Variants in SGCZ observed in about 807,000 individuals in gnomAD.
SGCZ encodes the protein zeta-sarcoglycan.
Under a neutral mutation model 41.3 loss-of-function variants are expected in SGCZ, and 40 were observed. That is an observed-to-expected ratio of 0.97 (90% CI 0.75 to 1.26). The LOEUF is 1.26. Among genes scored for constraint, SGCZ ranks in the 50% most tolerant of loss-of-function variants. The pLI is 0.00. For synonymous variants in SGCZ, 206 were observed against 137.5 expected (o/e 1.50, Z -3.49); for missense variants, 552 against 369.8 (o/e 1.49, Z -4.04).
chr8:14,292,983 T>G (rs1404988341), intron 3 of SGCZ, among the ~76,000 whole-genome samples: 1 of 152,076 alleles, frequency 6.6e-6, no homozygotes, highest in Non-Finnish European at 1.5e-5. Flanking sequence ...TCATTCTTAT[T>G]TAGGTTTCAG....
At chr8:14,850,811 A>G (rs1346672080) in intron 1 of SGCZ, among the ~76,000 whole-genome samples, 1 of 152,054 alleles carries the variant, frequency 6.6e-6, no homozygotes, top group African/African-American at 2.4e-5. Context: ...TGACAGTTTT[A>G]AAAGAGGATC....
rs7830184 is a variant in SGCZ, at chr8:14,927,653, T to C, written c.39+309932A>G. On this transcript the variant is annotated intron_variant, in intron 1 of 7. Transcript: ENST00000382080. ...AGAAAAAGATCCAGAAATATATTTA[T>C]TTGATGAGGTTGTTGAAATAACTTT... 2.3e-3 allele frequency among the ~76,000 whole-genome samples: 354 copies of C among 152,184 alleles called. 2 individuals carry two copies. The highest frequency in any genetic ancestry group is 8.1e-3 in the African/African-American group (338 of 41,528).
intron 1 of SGCZ, among the ~76,000 whole-genome samples, chr8:15,057,858 G>C (rs1804771375): frequency 6.6e-6 from 1 of 152,038 alleles, no homozygotes. Flanking sequence ...TTATCATGTA[G>C]TCAATGTATT....
chr8:14,817,198 G>A (rs1432811002), intron 1 of SGCZ, among the ~76,000 whole-genome samples: 2 of 152,094 alleles, frequency 1.3e-5, no homozygotes, highest in African/African-American at 4.8e-5. Flanking sequence ...CAGAAGCCCA[G>A]GATAACGCCA....
intron 1 of SGCZ, among the ~76,000 whole-genome samples, chr8:14,767,009 A>C (rs1041646300): frequency 2.0e-5 from 3 of 152,188 alleles, no homozygotes; most frequent in African/African-American, 7.2e-5. Context: ...ATTTGCAAAC[A>C]TCCCATGCTT....
At chr8:15,159,924 T>G (rs1336395832) in intron 1 of SGCZ, among the ~76,000 whole-genome samples, 1 of 151,720 alleles carries the variant, frequency 6.6e-6, no homozygotes, top group African/African-American at 2.4e-5. Flanking sequence ...AATAGGCACT[T>G]AGGGGGAAAA....
At chr8:14,283,566 G>A (rs13276161) in intron 3 of SGCZ, among the ~76,000 whole-genome samples, 105,191 of 152,080 alleles carry the variant, frequency 0.69, 36,606 homozygotes, top group Admixed American at 0.72. Context: ...GGGGTGTACA[G>A]TGTTCCTTCA....
At chr8:14,524,519 A>C (rs946868580) in intron 2 of SGCZ, among the ~76,000 whole-genome samples, 2 of 152,150 alleles carry the variant, frequency 1.3e-5, no homozygotes, top group Non-Finnish European at 2.9e-5. Flanking sequence ...CCTCCTACTC[A>C]GTCCTCTACA....
intron 1 of SGCZ, among the ~76,000 whole-genome samples, chr8:14,617,858 G>A (rs201880913): frequency 2.6e-5 from 4 of 151,114 alleles, no homozygotes; most frequent in Non-Finnish European, 5.9e-5. Flanking sequence ...TTATGTGTGT[G>A]TGTGTGTGTG....
Position 15,154,143 on chromosome 8 carries a change from G to A in SGCZ, c.39+83442C>T, listed in dbSNP as rs75124362. On this transcript the variant is annotated intron_variant, in intron 1 of 7. Transcript: ENST00000382080. ...GTTCCTAACAGGCCATGAACTGGGG[G>A]TTGGGGACTCCTGTTATAAATTATC... is the stretch of plus-strand genomic sequence containing the variant. Among the ~76,000 whole-genome samples, 1,129 of 152,316 alleles carry A rather than the reference G, an allele frequency of 7.4e-3. 28 individuals carry two copies. The South Asian group carries it at 0.098, about 13-fold the overall frequency.
intron 1 of SGCZ, among the ~76,000 whole-genome samples, chr8:14,764,214 T>C (rs1212676457): frequency 1.3e-5 from 2 of 152,204 alleles, no homozygotes; most frequent in African/African-American, 2.4e-5. Flanking sequence ...ATATGTCAGA[T>C]AATGAATGTA....
chr8:14,890,519 C>T (rs938377444), intron 1 of SGCZ, among the ~76,000 whole-genome samples: 5 of 152,116 alleles, frequency 3.3e-5, no homozygotes, highest in African/African-American at 9.7e-5. Flanking sequence ...GGAAGCTCAA[C>T]AAGAAAAGTT....
chr8:15,014,863 T>G (rs974509596), intron 1 of SGCZ, among the ~76,000 whole-genome samples: 7 of 152,214 alleles, frequency 4.6e-5, no homozygotes, highest in African/African-American at 1.7e-4. Context: ...GCTGCAGATC[T>G]ACTCTCTTTA....
intron 2 of SGCZ, among the ~76,000 whole-genome samples, chr8:14,527,334 T>C (rs903358876): frequency 6.6e-6 from 1 of 152,110 alleles, no homozygotes; most frequent in Non-Finnish European, 1.5e-5. Flanking sequence ...TGGGGTCTTG[T>C]TCTGTCATCC....
intron 1 of SGCZ, among the ~76,000 whole-genome samples, chr8:14,936,188 G>A (rs1355118775): frequency 6.6e-6 from 1 of 151,934 alleles, no homozygotes; most frequent in East Asian, 1.9e-4. Context: ...CCTATACGAT[G>A]TTTTAACAAG....
chr8:14,778,339 T>G (rs1487049765), intron 1 of SGCZ, among the ~76,000 whole-genome samples: 1 of 152,194 alleles, frequency 6.6e-6, no homozygotes, highest in Non-Finnish European at 1.5e-5. Flanking sequence ...GAGAGGACAC[T>G]GGTCACTTGA....
intron 1 of SGCZ, among the ~76,000 whole-genome samples, chr8:15,111,402 G>T (rs1454075697): frequency 6.6e-6 from 1 of 152,070 alleles, no homozygotes; most frequent in Non-Finnish European, 1.5e-5. Flanking sequence ...ATTTGCATAG[G>T]GCACCCATCC....
Position 14,524,790 on chromosome 8 carries a change from G to T in SGCZ, c.234+29942C>A, listed in dbSNP as rs577789498. On this transcript the variant is annotated intron_variant, in intron 2 of 7. Transcript: ENST00000382080. ...TCCATCTTCCTGGAAGCGGAAGTCTGTATAATGGATTTCAATAATCATTGC... is the reference window on the plus strand; with the variant it reads ...TCCATCTTCCTGGAAGCGGAAGTCTTTATAATGGATTTCAATAATCATTGC... Among the ~76,000 whole-genome samples, 24 of 152,058 alleles carry T rather than the reference G, an allele frequency of 1.6e-4. 1 individual carries two copies. The South Asian group carries it at 4.8e-3, about 30-fold the overall frequency.
At chr8:14,102,574 T>A (rs1802067359) in intron 6 of SGCZ, 75 bp from the exon 7 acceptor site, 35 of 1,227,570 alleles carry the variant, frequency 2.9e-5, no homozygotes, top group Non-Finnish European at 3.5e-5. Flanking sequence ...AGAAAATTTT[T>A]GATAAACTAG....
Sources: allele counts gnomAD v4.1 joint callset (sites outside exome capture counted in the v4.1 genomes callset), GRCh38; gene constraint gnomAD v4.1.1; transcripts MANE v1.5; gene names NCBI Gene and HGNC (gene_info 2026-07-23, HGNC 2026-07-21).